The following CD300A variants were observed in gnomAD, a reference collection of about 807,000 sequenced individuals.
CD300A encodes the protein CD300a molecule, also known as CMRF35-like molecule 8.
In CD300A, 22 loss-of-function variants were observed where a neutral mutation model predicts 33.6. The ratio of observed to expected loss-of-function variants is 0.66; its 90% CI spans 0.47 to 0.94. The LOEUF is 0.94. Ranked by LOEUF, CD300A falls within the 40% of genes least tolerant of loss-of-function variation. The probability of loss-of-function intolerance (pLI) is 0.00; values close to 1 mark genes in which losing one functional copy is unlikely to be tolerated. For synonymous variants in CD300A, 136 were observed against 148.1 expected, an observed-to-expected ratio of 0.92 and a Z score of 0.59; for missense variants, 326 against 360.5, an observed-to-expected ratio of 0.90 and a Z score of 0.77.
chr17:74,472,528 A>G, intron 1 of CD300A, among the ~76,000 whole-genome samples: 1 of 152,140 alleles, frequency 6.6e-6, no homozygotes, highest in South Asian at 2.1e-4. Flanking sequence ...TTTATTTCCG[A>G]GATTTAAGTC....
chr17:74,476,647 G>A (rs1906480940), intron 3 of CD300A, among the ~76,000 whole-genome samples: 1 of 152,196 alleles, frequency 6.6e-6, no homozygotes, highest in Non-Finnish European at 1.5e-5. Context: ...GCTGCTGCGT[G>A]GTCAGGTGTG....
intron 6 of CD300A, among the ~76,000 whole-genome samples, chr17:74,482,961 T>G (rs1330436304): frequency 1.3e-5 from 2 of 151,768 alleles, no homozygotes; most frequent in Admixed American, 1.3e-4. Context: ...CCGCCTGCCC[T>G]GACTTCCCAA....
chr17:74,471,603 C>T (rs973898862), intron 1 of CD300A, among the ~76,000 whole-genome samples: 5 of 152,204 alleles, frequency 3.3e-5, no homozygotes, highest in African/African-American at 1.2e-4. Flanking sequence ...GATGTAAACG[C>T]AGATGGTTCT....
In CD300A at chr17:74,481,721, C is replaced by T. The variant is rs200910578; in HGVS notation, c.667-5C>T. ...ACACCCACCTGGGACCTCCTGCCCA[C>T]CCAGGCTGCCACGCAGAGTGAGCTG... On this transcript the variant is annotated splice_polypyrimidine_tract_variant and splice_region_variant and intron_variant, in intron 5 of 6. Coordinates refer to ENST00000360141, the MANE Select transcript of CD300A (RefSeq NM_007261.4). 2.5e-3 allele frequency: 3,987 copies of T among 1,603,234 alleles called. 10 individuals are homozygous for T. Among genetic ancestry groups the T allele is most frequent in the Non-Finnish European group, 3.2e-3 (3,714 of 1,175,450 alleles).
intron 4 of CD300A, among the ~76,000 whole-genome samples, chr17:74,479,940 C>T (rs1356781200): frequency 6.6e-6 from 1 of 152,140 alleles, no homozygotes; most frequent in East Asian, 1.9e-4. Context: ...GCCCTGGGGA[C>T]AACATTGTGA....
upstream of CD300A, chr17:74,466,579 C>A: frequency 8.9e-7 from 1 of 1,123,112 alleles, no homozygotes; most frequent in South Asian, 1.4e-5. Context: ...CCAAAAGAAG[C>A]TGAACAAGGA....
Position 74,480,450 on chromosome 17 carries a change from C to T in CD300A, c.629-839C>T, listed in dbSNP as rs527567655. 2.0e-5 allele frequency among the ~76,000 whole-genome samples: 3 copies of T among 152,294 alleles called. No individual in the cohort carries two copies. The highest frequency in any genetic ancestry group is 1.9e-4 in the East Asian group (1 of 5,158). On this transcript the variant is annotated intron_variant, in intron 4 of 6. Transcript: ENST00000360141. This position sits in a 1 kb window ranked among gnomAD's most constrained non-coding sequence, Gnocchi z 4.2. ...GCTCATAGGCAGCACCCTTATAGAG[C>T]AGGTGCCAGCAGCCAAGGGCTGTGT...
At position 74,473,664 on chromosome 17, in the gene CD300A, C is replaced by T. The variant is rs377492184; in HGVS notation, c.169C>T (p.Leu57=). 9.9e-6 allele frequency: 16 copies of T among 1,614,116 alleles called. No individual in the cohort carries two copies. Among genetic ancestry groups the T allele is most frequent in the Non-Finnish European group, 1.4e-5 (16 of 1,180,056 alleles). The change falls in exon 2 of 7, where the codon CTA becomes TTA. Residue 57 remains leucine (L), a synonymous_variant. Transcript: ENST00000360141. ...KYWCRPPQIF[L]CDKIVETKGS... ...CTGGTGCAGACCACCACAGATTTTC[C>T]TATGTGACAAGATTGTGGAGACCAA...
upstream of CD300A, chr17:74,466,465 A>G: frequency 1.7e-6 from 1 of 586,492 alleles, no homozygotes. Context: ...ATAGCCGAAG[A>G]ACCTGCAGCC....
In CD300A at chr17:74,481,737, G is replaced by A. The variant is rs1232005459; in HGVS notation, c.678G>A (p.Gln226=). ...LSQNPKQAAT[Q]SELHYANLEL... ...TCCTGCCCACCCAGGCTGCCACGCA[G>A]AGTGAGCTGCACTACGCAAATCTGG... Residue 226 remains glutamine, a synonymous_variant, in exon 6 of 7, where the codon CAG becomes CAA. Transcript: ENST00000360141. The A allele has an allele frequency of 6.2e-7, 1 of 1,610,330 alleles. No homozygotes were observed. The highest frequency in any genetic ancestry group is 8.5e-7 in the Non-Finnish European group (1 of 1,178,730).
chr17:74,480,278 G>T lies in CD300A; in HGVS notation c.629-1011G>T, dbSNP rs538609141. ...CCTCCCCTTTAATTCTGGGGGAGGA[G>T]CCCACAGATCCCCACAGCATCCAGT... On this transcript the variant is annotated intron_variant, in intron 4 of 6. Transcript: ENST00000360141. The surrounding 1 kb of genome is among the most constrained non-coding windows in gnomAD (Gnocchi z 4.2). Among the ~76,000 whole-genome samples, 2 of 152,202 alleles carry T rather than the reference G, an allele frequency of 1.3e-5. No homozygotes were observed. Among genetic ancestry groups the T allele is most frequent in the African/African-American group, 2.4e-5 (1 of 41,552 alleles).
In CD300A at chr17:74,484,151, A is replaced by G. The variant is rs1907106425; in HGVS notation, c.*25A>G. On this transcript the variant is annotated 3_prime_UTR_variant, in exon 7 of 7. Transcript: ENST00000360141. ...GGCTTTTGTCCTGCCTCGCCATCGG[A>G]GCTCTCATGGGCCCCAGGAAGTCCA... 1 of 1,611,344 alleles carries G rather than the reference A, an allele frequency of 6.2e-7. No homozygotes were observed. Among genetic ancestry groups the G allele is most frequent in the Non-Finnish European group, 8.5e-7 (1 of 1,178,656 alleles).
chr17:74,474,287 C>T (rs777281616), intron 2 of CD300A, among the ~76,000 whole-genome samples: 1 of 152,106 alleles, frequency 6.6e-6, no homozygotes, highest in African/African-American at 2.4e-5. Context: ...CATGGAGTTT[C>T]GCAGGAGCAC....
In CD300A at chr17:74,483,932, A is replaced by C. The variant is rs111537324; in HGVS notation, c.775-69A>C. 583 of 1,578,960 alleles carry C rather than the reference A, an allele frequency of 3.7e-4. 6 individuals are homozygous for C. In the African/African-American group the frequency reaches 7.1e-3, roughly 19 times the overall value. On this transcript the variant is annotated intron_variant, in intron 6 of 6. Transcript: ENST00000360141. ...GCCCCTCAGGTGTCCTCCCTCCTCCATCCTATGTTGGGGGTCCTTTCTTCC... is the reference window on the plus strand; with the variant it reads ...GCCCCTCAGGTGTCCTCCCTCCTCCCTCCTATGTTGGGGGTCCTTTCTTCC...
At chr17:74,468,163 T>G (rs1905854608) in intron 1 of CD300A, among the ~76,000 whole-genome samples, 1 of 151,588 alleles carries the variant, frequency 6.6e-6, no homozygotes, top group Non-Finnish European at 1.5e-5. Flanking sequence ...GCCTCCCGAG[T>G]AGCTGAGATT....
At position 74,471,986 on chromosome 17, in the gene CD300A, A is replaced by G. The variant is rs185968191; in HGVS notation, c.41-1550A>G. 1.8e-3 allele frequency among the ~76,000 whole-genome samples: 271 copies of G among 152,258 alleles called. 3 individuals carry two copies. The highest frequency in any genetic ancestry group is 6.1e-3 in the African/African-American group (254 of 41,544). Reference sequence around the variant, plus strand: ...CCAGGCGCAGTAGCTCATGCCTGTAATCCCAGCACTTTGGGAGGCCGAGGC... The same window carrying G: ...CCAGGCGCAGTAGCTCATGCCTGTAGTCCCAGCACTTTGGGAGGCCGAGGC... On this transcript the variant is annotated intron_variant, in intron 1 of 6. Transcript: ENST00000360141.
rs1330024199 is a variant in CD300A at position 74,470,061 on chromosome 17, T to C, written c.40+3318T>C. On this transcript the variant is annotated intron_variant, in intron 1 of 6. Coordinates refer to ENST00000360141, the MANE Select transcript of CD300A (RefSeq NM_007261.4). Reference sequence around the variant, plus strand: ...CCTGAGAGTTAATGGGTCAAGATTCTGTGATCTTCAAGGAAAACGTTAAGA... The same window carrying C: ...CCTGAGAGTTAATGGGTCAAGATTCCGTGATCTTCAAGGAAAACGTTAAGA... 4 of 985,288 alleles carry C rather than the reference T, an allele frequency of 4.1e-6. No individual in the cohort carries two copies. In the Admixed American group the frequency reaches 2.5e-4, roughly 61 times the overall value. The allele number at this position is 985,288 out of a possible 1,614,324, so 61.0% of individuals were successfully genotyped here. A position where few individuals can be genotyped will look rare whatever the true frequency, so the allele number is the denominator to read the frequency against.
At chr17:74,477,352 A>G (rs528375188) in intron 3 of CD300A, 84 bp from the exon 4 acceptor site, 14 of 927,782 alleles carry the variant, frequency 1.5e-5, no homozygotes, top group Admixed American at 7.4e-5. Context: ...CCTGTCTCAA[A>G]AAATAAAAAT....
intron 3 of CD300A, among the ~76,000 whole-genome samples, chr17:74,475,308 A>G (rs958810146): frequency 2.0e-5 from 3 of 152,126 alleles, no homozygotes; most frequent in Non-Finnish European, 2.9e-5. Flanking sequence ...CCCTCCCACA[A>G]CACGTGGGAA....
Sources: gnomAD v4.1 joint callset for allele counts (sites outside exome capture counted in the v4.1 genomes callset) on GRCh38, gnomAD v4.1.1 for gene constraint, Gnocchi (gnomAD v3.1) non-coding constraint, MANE v1.5 for transcripts, NCBI Gene and HGNC (gene_info 2026-07-23, HGNC 2026-07-21) for gene names.